Variants in TTC23 observed in about 807,000 individuals in gnomAD.
The protein encoded by TTC23 is tetratricopeptide repeat domain 23, also known as tetratricopeptide repeat protein 23.
A neutral mutation model predicts 55.1 loss-of-function variants in TTC23; 58 were observed. The ratio of observed to expected loss-of-function variants is 1.05; its 90% CI spans 0.85 to 1.31. The LOEUF is 1.31. Among genes scored for constraint, TTC23 ranks in the 50% most tolerant of loss-of-function variants. TTC23 has a pLI of 0.00. For missense variants in TTC23, 516 were observed against 534.4 expected (o/e 0.97, Z 0.34); for synonymous variants, 203 against 199.9 (o/e 1.02, Z -0.13).
At chr15:99,145,373 T>C (rs1168512410) in intron 12 of TTC23, 1 of 152,126 alleles carries the variant, frequency 6.6e-6, no homozygotes, top group African/African-American at 2.4e-5. Flanking sequence ...CAACTTGTGA[T>C]AAGAGCTACA....
intron 9 of TTC23, among the ~76,000 whole-genome samples, chr15:99,198,746 G>A (rs989706124): frequency 4.6e-5 from 7 of 152,128 alleles, no homozygotes; most frequent in Non-Finnish European, 1.0e-4. Context: ...GATAAAGTGA[G>A]AAAAAGGGGC....
chr15:99,181,775 G>A (rs956996013), intron 9 of TTC23, among the ~76,000 whole-genome samples: 2 of 152,142 alleles, frequency 1.3e-5, no homozygotes, highest in Admixed American at 6.5e-5. Flanking sequence ...AGAAAAAGAC[G>A]GAGCTGGGAA....
At chr15:99,240,102 A>G (rs2079644735) in intron 3 of TTC23, among the ~76,000 whole-genome samples, 1 of 152,198 alleles carries the variant, frequency 6.6e-6, no homozygotes, top group Admixed American at 6.5e-5. Flanking sequence ...GTGATCATAC[A>G]TTTTTATAAA....
Position 99,218,974 on chromosome 15 carries a change from T to C in TTC23, c.379A>G (p.Ser127Gly). 4 of 1,614,220 alleles carry C rather than the reference T, an allele frequency of 2.5e-6. No homozygotes were observed. The highest frequency in any genetic ancestry group is 3.4e-6 in the Non-Finnish European group (4 of 1,180,032). ...AACTTGAAAACATCTGTATTCTCAC[T>C]ATAGGGAGGCACAATGGAGTTGGCG... ...ILANSIVPPYSENTDVFKFSI... is the reference protein window; with the variant it reads ...ILANSIVPPYGENTDVFKFSI... Residue 127 changes from serine (S) to glycine (G), a missense_variant, in exon 7 of 14, where the codon AGT becomes GGT. By Grantham distance (56) the Ser-to-Gly change is moderately conservative (BLOSUM62 0). Coordinates refer to ENST00000394132, the MANE Select transcript of TTC23 (RefSeq NM_001288615.3).
At chr15:99,185,730 C>T (rs958395888) in intron 9 of TTC23, among the ~76,000 whole-genome samples, 1 of 152,146 alleles carries the variant, frequency 6.6e-6, no homozygotes, top group Non-Finnish European at 1.5e-5. Flanking sequence ...TCAGGAGTTT[C>T]AGAAACAATC....
At chr15:99,167,183 C>T (rs2072235440) in intron 10 of TTC23, among the ~76,000 whole-genome samples, 1 of 152,158 alleles carries the variant, frequency 6.6e-6, no homozygotes, top group Non-Finnish European at 1.5e-5. Context: ...AACAGGATTT[C>T]CAGAAGGACA....
At chr15:99,241,803 G>C (rs1420398257) in intron 2 of TTC23, among the ~76,000 whole-genome samples, 1 of 152,190 alleles carries the variant, frequency 6.6e-6, no homozygotes, top group Non-Finnish European at 1.5e-5. Flanking sequence ...GCCTGAGGAA[G>C]GGGCAGGGGC....
At position 99,176,467 on chromosome 15, in the gene TTC23, C is replaced by T. The variant is rs187702575; in HGVS notation, c.760-1312G>A. 4.6e-4 allele frequency among the ~76,000 whole-genome samples: 70 copies of T among 152,128 alleles called. 1 individual carries two copies. Among genetic ancestry groups the T allele is most frequent in the Middle Eastern group, 3.4e-3 (1 of 294 alleles). On this transcript the variant is annotated intron_variant, in intron 9 of 13. Coordinates refer to ENST00000394132, the MANE Select transcript of TTC23 (RefSeq NM_001288615.3). ...CTCTACAACAAATACAAAAATTAGC[C>T]GGGCATGGTGGCATATGCCTGCAGT...
chr15:99,170,320 C>T (rs2072742394), intron 10 of TTC23, among the ~76,000 whole-genome samples: 1 of 152,124 alleles, frequency 6.6e-6, no homozygotes, highest in Non-Finnish European at 1.5e-5. Context: ...AGGGCAATGC[C>T]TTCAATGGGC....
chr15:99,185,123 T>C (rs564263502), intron 9 of TTC23, among the ~76,000 whole-genome samples: 4 of 152,168 alleles, frequency 2.6e-5, no homozygotes, highest in South Asian at 2.1e-4. Flanking sequence ...TCTCGGGTAT[T>C]TCCTTACAGC....
intron 12 of TTC23, among the ~76,000 whole-genome samples, chr15:99,148,083 C>T (rs2069170896): frequency 6.6e-6 from 1 of 152,032 alleles, no homozygotes; most frequent in Non-Finnish European, 1.5e-5. Context: ...CCTTCCTAGG[C>T]CGGGCATGGT....
At chr15:99,209,686 G>C (rs1369449260) in intron 8 of TTC23, among the ~76,000 whole-genome samples, 1 of 152,136 alleles carries the variant, frequency 6.6e-6, no homozygotes, top group African/African-American at 2.4e-5. Context: ...GCAAAAGCCT[G>C]ACACAGAAGG....
At chr15:99,172,738 C>G (rs2073103248) in intron 10 of TTC23, among the ~76,000 whole-genome samples, 1 of 152,134 alleles carries the variant, frequency 6.6e-6, no homozygotes, top group Non-Finnish European at 1.5e-5. Flanking sequence ...TGCTGGTATG[C>G]CATATATAAG....
intron 10 of TTC23, among the ~76,000 whole-genome samples, chr15:99,164,727 T>C (rs747420109): frequency 3.9e-5 from 6 of 152,228 alleles, no homozygotes; most frequent in Non-Finnish European, 8.8e-5. Flanking sequence ...TTCCAATGAA[T>C]TGATTTGGAT....
chr15:99,175,395 A>T (rs2073428271), intron 9 of TTC23, among the ~76,000 whole-genome samples: 1 of 152,270 alleles, frequency 6.6e-6, no homozygotes, highest in African/African-American at 2.4e-5. Context: ...CCTGTCACTA[A>T]GCAAATCATT....
At chr15:99,174,358 A>G (rs1424256652) in intron 10 of TTC23, among the ~76,000 whole-genome samples, 1 of 152,084 alleles carries the variant, frequency 6.6e-6, no homozygotes, top group Non-Finnish European at 1.5e-5. Flanking sequence ...TTTTGAGCAC[A>G]GTGGACCTTA....
At chr15:99,222,547 G>C (rs1375084804) in intron 5 of TTC23, among the ~76,000 whole-genome samples, 2 of 152,188 alleles carry the variant, frequency 1.3e-5, no homozygotes, top group Non-Finnish European at 2.9e-5. Context: ...ATCTGCACTA[G>C]CATAGCAAAT....
intron 8 of TTC23, among the ~76,000 whole-genome samples, chr15:99,205,537 T>G (rs1048991577): frequency 2.6e-5 from 4 of 152,090 alleles, no homozygotes; most frequent in African/African-American, 9.7e-5. Context: ...CTATTTTATC[T>G]TATTTATTGC....
At chr15:99,141,967 C>T (rs1165085505) in intron 12 of TTC23, among the ~76,000 whole-genome samples, 1 of 152,186 alleles carries the variant, frequency 6.6e-6, no homozygotes, top group African/African-American at 2.4e-5. Context: ...CCCTGTCCCT[C>T]TGTCCAACAA....
Sources: allele counts gnomAD v4.1 joint callset (sites outside exome capture counted in the v4.1 genomes callset), GRCh38; gene constraint gnomAD v4.1.1; transcripts MANE v1.5; gene names NCBI Gene and HGNC (gene_info 2026-07-23, HGNC 2026-07-21).